SGCD: variants seen among roughly 807,000 people sequenced by gnomAD.
SGCD encodes the protein delta-sarcoglycan.
SGCD carries 18 observed loss-of-function variants against 36.6 expected under a neutral mutation model. The observed-to-expected ratio is 0.49, with a 90% CI of 0.34 to 0.73. The LOEUF (loss-of-function observed/expected upper bound fraction) is 0.73, where lower values mean the gene tolerates loss of function less well. Among genes scored for constraint, SGCD ranks in the 30% least tolerant of loss-of-function variants. The pLI is 0.01. For synonymous variants in SGCD, 133 were observed against 130.6 expected, an observed-to-expected ratio of 1.02 and a Z score of -0.12; for missense variants, 387 against 346.7, an observed-to-expected ratio of 1.12 and a Z score of -0.92.
chr5:156,509,343 T>C (rs1002715739), intron 4 of SGCD, among the ~76,000 whole-genome samples: 1 of 152,108 alleles, frequency 6.6e-6, no homozygotes, highest in African/African-American at 2.4e-5. Context: ...GAGAATTGCT[T>C]GAACCCAGGA....
chr5:156,677,349 G>GA (rs1231691764), intron 7 of SGCD, among the ~76,000 whole-genome samples: 3 of 152,212 alleles, frequency 2.0e-5, no homozygotes, highest in Non-Finnish European at 2.9e-5. Context: ...GAAAGAATGG[G>GA]TTCATGTCCT....
the SGCD span, among the ~76,000 whole-genome samples, chr5:155,740,949 T>A: frequency 1.1e-4 from 16 of 152,286 alleles, no homozygotes; most frequent in East Asian, 2.9e-3. Context: ...CCTGAGAACA[T>A]GTGCCCAAAG....
chr5:156,164,419 G>A (rs972944801), intron 3 of SGCD, among the ~76,000 whole-genome samples: 5 of 151,886 alleles, frequency 3.3e-5, no homozygotes, highest in African/African-American at 1.2e-4. Context: ...TGCCTTTTCA[G>A]CCTTGTTCCC....
At chr5:156,453,776 C>A (rs1754130697) in intron 3 of SGCD, among the ~76,000 whole-genome samples, 1 of 152,176 alleles carries the variant, frequency 6.6e-6, no homozygotes, top group South Asian at 2.1e-4. Flanking sequence ...TACATCCATA[C>A]AATGGAATTG....
intron 1 of SGCD, among the ~76,000 whole-genome samples, chr5:155,932,610 G>A (rs1757120566): frequency 6.6e-6 from 1 of 152,108 alleles, no homozygotes; most frequent in African/African-American, 2.4e-5. Context: ...GTCCATACAG[G>A]TGTCTGATTA....
At chr5:156,277,871 C>G (rs73811576) in intron 3 of SGCD, among the ~76,000 whole-genome samples, 8,102 of 152,104 alleles carry the variant, frequency 0.053, 640 homozygotes, top group African/African-American at 0.17. Context: ...TGAGTTGTCA[C>G]CAGACATAAA....
chr5:156,351,154 C>T (rs1769229544), intron 3 of SGCD, among the ~76,000 whole-genome samples: 1 of 152,168 alleles, frequency 6.6e-6, no homozygotes, highest in Admixed American at 6.5e-5. Context: ...TTTCTCTTTG[C>T]TGTGTAGCTG....
the SGCD span, among the ~76,000 whole-genome samples, chr5:155,843,059 A>C: frequency 1.3e-5 from 2 of 152,218 alleles, no homozygotes; most frequent in Non-Finnish European, 2.9e-5. Context: ...CCATTTCTCA[A>C]ATAATCACCT....
chr5:156,213,253 G>A (rs976304479), intron 3 of SGCD, among the ~76,000 whole-genome samples: 1 of 151,776 alleles, frequency 6.6e-6, no homozygotes, highest in Non-Finnish European at 1.5e-5. Flanking sequence ...CAAACCTTTA[G>A]CAAGACTAAG....
At chr5:155,981,194 T>C (rs1231421925) in intron 1 of SGCD, among the ~76,000 whole-genome samples, 1 of 152,078 alleles carries the variant, frequency 6.6e-6, no homozygotes, top group African/African-American at 2.4e-5. Context: ...CTGTGTGGCA[T>C]TGACAATGTG....
chr5:155,851,498 A>T, the SGCD span, among the ~76,000 whole-genome samples: 1 of 152,152 alleles, frequency 6.6e-6, no homozygotes. Flanking sequence ...GTACAAAAAC[A>T]CACCAACCAG....
At chr5:156,202,071 G>A (rs372422324) in intron 3 of SGCD, among the ~76,000 whole-genome samples, 28 of 152,238 alleles carry the variant, frequency 1.8e-4, no homozygotes, top group Middle Eastern at 6.8e-3. Context: ...GTCATTCCCA[G>A]AACTCTCATT....
intron 6 of SGCD, among the ~76,000 whole-genome samples, chr5:156,623,014 A>G (rs767799234): frequency 3.3e-5 from 5 of 152,180 alleles, no homozygotes; most frequent in Non-Finnish European, 5.9e-5. Flanking sequence ...TCACATTTAC[A>G]TAGCCACAAA....
At chr5:155,857,793 GT>G in the SGCD span, among the ~76,000 whole-genome samples, 1 of 152,072 alleles carries the variant, frequency 6.6e-6, no homozygotes, top group South Asian at 2.1e-4. Flanking sequence ...ATTTAAATTT[GT>G]TTTCAATGGG....
At chr5:156,023,734 T>TG (rs1759159394) in intron 1 of SGCD, among the ~76,000 whole-genome samples, 1 of 152,214 alleles carries the variant, frequency 6.6e-6, no homozygotes, top group South Asian at 2.1e-4. Flanking sequence ...TATGGGTACC[T>TG]GGAGCATTGT....
At chr5:155,867,192 A>G (rs1311948099), upstream of SGCD, among the ~76,000 whole-genome samples, 1 of 152,220 alleles carries the variant, frequency 6.6e-6, no homozygotes, top group Admixed American at 6.5e-5. Flanking sequence ...TAGTGAATGC[A>G]TCACCAAAGT....
rs145539322 is a variant in SGCD, at chr5:156,079,557, C to T, written c.-281-38321C>T. Reference sequence around the variant, plus strand: ...TTCCAGGATACAATGAGGGTAAAGACATTGGGTAAACATTCCCATTCCAAA... The same window carrying T: ...TTCCAGGATACAATGAGGGTAAAGATATTGGGTAAACATTCCCATTCCAAA... On this transcript the variant is annotated intron_variant, in intron 1 of 9. Transcript: ENST00000517913. 3.3e-3 allele frequency among the ~76,000 whole-genome samples: 498 copies of T among 152,270 alleles called. 3 individuals are homozygous for T. The highest frequency in any genetic ancestry group is 0.011 in the African/African-American group (475 of 41,556).
chr5:155,785,982 G>A, the SGCD span, among the ~76,000 whole-genome samples: 1 of 152,052 alleles, frequency 6.6e-6, no homozygotes, highest in Admixed American at 6.5e-5. Flanking sequence ...TTTCACTAAT[G>A]TTACGTTGGG....
rs931917224 is a variant in SGCD at position 156,767,136 on chromosome 5, C to A, written c.*7746C>A. The A allele has an allele frequency of 6.6e-6, 1 of 152,116 alleles. No homozygotes were observed. Among genetic ancestry groups the A allele is most frequent in the Non-Finnish European group, 1.5e-5 (1 of 68,022 alleles). The allele number at this position is 152,116 out of a possible 1,614,324, so 9.4% of individuals were successfully genotyped here. ...CCATTAAAGGGTCTCATAGGACTAA[C>A]CTTACCAGAGCCAGAAATCTAGCTC... On this transcript the variant is annotated 3_prime_UTR_variant, in exon 9 of 9. Coordinates refer to ENST00000337851, the MANE Select transcript of SGCD (RefSeq NM_000337.6).
Sources: allele counts gnomAD v4.1 joint callset (sites outside exome capture counted in the v4.1 genomes callset), GRCh38; gene constraint gnomAD v4.1.1; transcripts MANE v1.5; gene names NCBI Gene and HGNC (gene_info 2026-07-23, HGNC 2026-07-21).